PHEX: variants seen among roughly 807,000 people sequenced by gnomAD.
The protein encoded by PHEX is phosphate-regulating neutral endopeptidase PHEX.
A neutral mutation model predicts 68.0 loss-of-function variants in PHEX; 16 were observed. That is an observed-to-expected ratio of 0.24 (90% CI 0.16 to 0.36). The LOEUF is 0.36. PHEX is among the 10% of genes least tolerant of loss of function. The pLI is 1.00. For synonymous variants in PHEX, 208 were observed against 205.1 expected, an observed-to-expected ratio of 1.01 and a Z score of -0.12; for missense variants, 480 against 575.5, an observed-to-expected ratio of 0.83 and a Z score of 1.70.
chrX:22,139,057 A>G (rs1248129533), intron 12 of PHEX, among the ~76,000 whole-genome samples: 5 of 112,163 alleles, frequency 4.5e-5, no homozygotes, highest in Non-Finnish European at 9.4e-5. Flanking sequence ...TTTCCAAGCC[A>G]ACTTCTACAC....
At position 22,190,442 on chromosome X, in the gene PHEX, AGGT is replaced by A; in HGVS notation, c.1589_1591del (p.Trp530del). ...CTCTGGCATTTGTTTCTTTTTCTACAGGTGGTTTACAAATCCGACGACTGTCAA... is the reference window on the plus strand; with the variant it reads ...CTCTGGCATTTGTTTCTTTTTCTACAGGTTTACAAATCCGACGACTGTCAA... On this transcript the variant is annotated splice_acceptor_variant and coding_sequence_variant, in exon 15 of 22. Transcript: ENST00000379374. LOFTEE classifies it high-confidence loss of function. 8.4e-7 allele frequency: 1 copy of A among 1,183,890 alleles called. No homozygotes were observed. Among genetic ancestry groups the A allele is most frequent in the Non-Finnish European group, 1.1e-6 (1 of 870,073 alleles).
chrX:22,090,838 C>T lies in PHEX; in HGVS notation c.732+341C>T, dbSNP rs144494669. Among the ~76,000 whole-genome samples the T allele has an allele frequency of 8.2e-3, 909 of 111,508 alleles. 12 individuals carry two copies. The highest frequency in any genetic ancestry group is 0.028 in the African/African-American group (855 of 30,666). ...AGAAATAAAGCGTCAGAAGAGATAC[C>T]CAGGAGACAGATGGTTCCCAAATTG... On this transcript the variant is annotated intron_variant, in intron 6 of 21. Coordinates refer to ENST00000379374, the MANE Select transcript of PHEX (RefSeq NM_000444.6).
intron 15 of PHEX, among the ~76,000 whole-genome samples, chrX:22,191,329 TA>T (rs1373742696): frequency 6.2e-5 from 7 of 112,328 alleles, no homozygotes; most frequent in African/African-American, 2.3e-4. Context: ...CACCTGGCCT[TA>T]AAAAATTATT....
intron 12 of PHEX, among the ~76,000 whole-genome samples, chrX:22,143,858 C>A (rs957843698): frequency 8.9e-6 from 1 of 112,265 alleles, no homozygotes; most frequent in African/African-American, 3.2e-5. Context: ...TTTGCAATAG[C>A]ATCGTAGTGT....
chrX:22,098,093 GTT>G (rs879094593), intron 8 of PHEX: 5,972 of 89,462 alleles, frequency 0.067, 338 homozygotes, highest in African/African-American at 0.17. Context: ...TTCCTCTTGT[GTT>G]TTTTTTTTTT....
intron 3 of PHEX, among the ~76,000 whole-genome samples, chrX:22,073,928 G>A (rs1929029656): frequency 9.0e-6 from 1 of 110,926 alleles, no homozygotes; most frequent in Non-Finnish European, 1.9e-5. Context: ...ATGAGCCACC[G>A]CGCCTGGCCT....
intron 10 of PHEX, 74 bp downstream of exon 10, chrX:22,111,634 TC>T: frequency 1.3e-6 from 1 of 788,980 alleles, no homozygotes; most frequent in South Asian, 2.1e-5. Flanking sequence ...TATTAACTGA[TC>T]CAGTAAAAAT....
chrX:22,131,812 T>C (rs1365133045), intron 11 of PHEX, among the ~76,000 whole-genome samples: 3 of 112,150 alleles, frequency 2.7e-5, no homozygotes, highest in Non-Finnish European at 5.6e-5. Flanking sequence ...TTTTTTTTTC[T>C]TGGGTGTCCC....
chrX:22,113,623 C>T (rs1297825066), intron 10 of PHEX, among the ~76,000 whole-genome samples: 1 of 111,465 alleles, frequency 9.0e-6, no homozygotes, highest in Non-Finnish European at 1.9e-5. Flanking sequence ...TTTGCTGTGA[C>T]ACAATGTAAA....
At chrX:22,201,426 C>T (rs1339415801) in intron 15 of PHEX, among the ~76,000 whole-genome samples, 4 of 111,504 alleles carry the variant, frequency 3.6e-5, no homozygotes, top group African/African-American at 1.3e-4. Flanking sequence ...CTCAAGTGAT[C>T]CACCTGCCTC....
chrX:22,055,702 T>C (rs62589295), intron 3 of PHEX, among the ~76,000 whole-genome samples: 23,609 of 110,901 alleles, frequency 0.21, 1,847 homozygotes, highest in Admixed American at 0.23. Context: ...GCTGGGATTA[T>C]AGGCATGTGC....
chrX:22,215,692 T>C (rs750467978), intron 16 of PHEX, among the ~76,000 whole-genome samples: 16 of 111,131 alleles, frequency 1.4e-4, no homozygotes, highest in South Asian at 7.7e-4. Context: ...CACAACTACC[T>C]TTTTTGTACC....
At chrX:22,096,793 G>C (rs961338564) in intron 7 of PHEX, among the ~76,000 whole-genome samples, 162 bp from the exon 8 acceptor site, 2 of 111,723 alleles carry the variant, frequency 1.8e-5, no homozygotes, top group Non-Finnish European at 3.8e-5. Context: ...TCTTAATCCT[G>C]CCTAAAGTGA....
chrX:22,241,566 C>G lies in PHEX; in HGVS notation c.2071-3767C>G, dbSNP rs905946493. Among the ~76,000 whole-genome samples, 4 of 111,000 alleles carry G rather than the reference C, an allele frequency of 3.6e-5. No individual in the cohort carries two copies. In the Admixed American group the frequency reaches 3.8e-4, roughly 11 times the overall value. On this transcript the variant is annotated intron_variant, in intron 20 of 21. Coordinates refer to ENST00000379374, the MANE Select transcript of PHEX (RefSeq NM_000444.6). ...ATAAAAGAGGGAAGAATGAAATAGA[C>G]GCAATAAAAAATGATAAAGGCGACA...
intron 3 of PHEX, among the ~76,000 whole-genome samples, chrX:22,074,214 A>G (rs756822957): frequency 3.1e-4 from 34 of 110,327 alleles, no homozygotes; most frequent in African/African-American, 1.1e-3. Context: ...GCAGAGATAC[A>G]TAAAATGGAT....
At chrX:22,203,044 C>A (rs1457469389) in intron 15 of PHEX, among the ~76,000 whole-genome samples, 1 of 110,923 alleles carries the variant, frequency 9.0e-6, no homozygotes, top group Admixed American at 9.7e-5. Context: ...AAAAAGGCAG[C>A]AAATGCAGAA....
Position 22,142,612 on chromosome X carries a change from C to G in PHEX, c.1404+8988C>G, listed in dbSNP as rs1054472816. 5.6e-4 allele frequency among the ~76,000 whole-genome samples: 63 copies of G among 112,041 alleles called. No individual in the cohort carries two copies. The Admixed American group carries it at 5.9e-3, about 11-fold the overall frequency. Reference sequence around the variant, plus strand: ...CAATTTGTTCATCCTTTGGCAATGCCCTTCCAGATTTATCTATTGAACAAA... The same window carrying G: ...CAATTTGTTCATCCTTTGGCAATGCGCTTCCAGATTTATCTATTGAACAAA... On this transcript the variant is annotated intron_variant, in intron 12 of 21. Transcript: ENST00000379374.
At chrX:22,124,345 G>A (rs1931626471) in intron 11 of PHEX, among the ~76,000 whole-genome samples, 1 of 112,181 alleles carries the variant, frequency 8.9e-6, no homozygotes, top group Non-Finnish European at 1.9e-5. Flanking sequence ...GTGCTGCCAC[G>A]ACGATGACAC....
chrX:22,218,521 A>ACTAC (rs1402912608), intron 16 of PHEX, among the ~76,000 whole-genome samples: 1 of 112,253 alleles, frequency 8.9e-6, no homozygotes, highest in Non-Finnish European at 1.9e-5. Context: ...GAGGAACGTG[A>ACTAC]CTACCTTTGA....
Sources: allele counts gnomAD v4.1 joint callset (sites outside exome capture counted in the v4.1 genomes callset), GRCh38; gene constraint gnomAD v4.1.1; transcripts MANE v1.5; gene names NCBI Gene and HGNC (gene_info 2026-07-23, HGNC 2026-07-21).